Variants in IGF1 observed in about 807,000 individuals in gnomAD.
The protein encoded by IGF1 is insulin like growth factor 1.
IGF1 carries 4 observed loss-of-function variants against 13.8 expected under a neutral mutation model. That is an observed-to-expected ratio of 0.29 (90% confidence interval 0.14 to 0.66). The LOEUF is 0.66. Among genes scored for constraint, IGF1 ranks in the 30% least tolerant of loss-of-function variants. The probability of loss-of-function intolerance (pLI) is 0.78; values close to 1 mark genes in which losing one functional copy is unlikely to be tolerated. For missense variants in IGF1, 124 were observed against 188.5 expected (o/e 0.66, Z 2.00); for synonymous variants, 76 against 72.6 (o/e 1.05, Z -0.23).
At position 102,399,650 on chromosome 12, in the gene IGF1, G is replaced by T. The variant is rs1873516130; in HGVS notation, c.*2857C>A. On this transcript the variant is annotated 3_prime_UTR_variant, in exon 4 of 4. Transcript: ENST00000337514. ...ATCCAGTTGGAGAGGATTATGTGTT[G>T]GAAAAAGTTAAGAAAGATAATATGG... 6.6e-6 allele frequency: 1 copy of T among 152,082 alleles called. No individual in the cohort carries two copies. Among genetic ancestry groups the T allele is most frequent in the Admixed American group, 6.6e-5 (1 of 15,254 alleles). The allele number at this position is 152,082 out of a possible 1,614,324, so 9.4% of individuals were successfully genotyped here.
At chr12:102,435,767 G>A (rs1345344036) in intron 2 of IGF1, among the ~76,000 whole-genome samples, 1 of 152,144 alleles carries the variant, frequency 6.6e-6, no homozygotes, top group Non-Finnish European at 1.5e-5. Context: ...CATACTAGTG[G>A]TTTTCAAACT....
Position 102,419,996 on chromosome 12 carries a change from A to G in IGF1, c.221-306T>C, listed in dbSNP as rs536090147. Among the ~76,000 whole-genome samples, 15 of 152,304 alleles carry G rather than the reference A, an allele frequency of 9.8e-5. 1 individual carries two copies. The highest frequency in any genetic ancestry group is 7.7e-4 in the East Asian group (4 of 5,190). ...ATGCCCAATCCTAGTCTTTTCTTAT[A>G]TATTGGCTTCAGAGGATGATAGAAA... On this transcript the variant is annotated intron_variant, in intron 2 of 3. Coordinates refer to ENST00000337514, the MANE Select transcript of IGF1 (RefSeq NM_000618.5).
intron 2 of IGF1, among the ~76,000 whole-genome samples, chr12:102,469,201 C>A (rs10778176): frequency 6.6e-6 from 1 of 151,974 alleles, no homozygotes; most frequent in Non-Finnish European, 1.5e-5. Context: ...TTTCTTCCTG[C>A]CTGGATTATG....
rs1052852889 is a variant in IGF1, at chr12:102,400,344, T to C, written c.*2163A>G. ...ATTCATTGTTCTAATGAGAAAATCTTGATCTGCAGATAGGGATCATTTTCT... is the reference window on the plus strand; with the variant it reads ...ATTCATTGTTCTAATGAGAAAATCTCGATCTGCAGATAGGGATCATTTTCT... On this transcript the variant is annotated 3_prime_UTR_variant, in exon 4 of 4. Transcript: ENST00000337514. 6.6e-6 allele frequency: 1 copy of C among 152,178 alleles called. No homozygotes were observed. The highest frequency in any genetic ancestry group is 1.5e-5 in the Non-Finnish European group (1 of 68,030). The allele number at this position is 152,178 out of a possible 1,614,324, so 9.4% of individuals were successfully genotyped here. A position where few individuals can be genotyped will look rare whatever the true frequency, so the allele number is the denominator to read the frequency against.
At chr12:102,441,645 G>A (rs1877726985) in intron 2 of IGF1, among the ~76,000 whole-genome samples, 1 of 152,162 alleles carries the variant, frequency 6.6e-6, no homozygotes, top group South Asian at 2.1e-4. Context: ...AGGGGTTGCA[G>A]GTTATTTTAT....
At chr12:102,455,553 G>T (rs149399308) in intron 2 of IGF1, among the ~76,000 whole-genome samples, 22 of 152,310 alleles carry the variant, frequency 1.4e-4, no homozygotes, top group Non-Finnish European at 1.0e-4. Flanking sequence ...CATTTCAAGT[G>T]GGGGAGGAGT....
At position 102,398,317 on chromosome 12, in the gene IGF1, A is replaced by G. The variant is rs1592724720; in HGVS notation, c.*4190T>C. ...TGTCTTCTATAAACCAGTAAATGCC[A>G]AAGAATACCCAAGGGGGATTTGGCA... On this transcript the variant is annotated 3_prime_UTR_variant, in exon 4 of 4. Transcript: ENST00000337514. The G allele has an allele frequency of 6.6e-6, 1 of 152,636 alleles. No individual in the cohort carries two copies. Among genetic ancestry groups the G allele is most frequent in the Non-Finnish European group, 1.5e-5 (1 of 68,024 alleles). The allele number at this position is 152,636 out of a possible 1,614,324, so 9.5% of individuals were successfully genotyped here. A position where few individuals can be genotyped will look rare whatever the true frequency, so the allele number is the denominator to read the frequency against.
At chr12:102,478,398 A>T in intron 1 of IGF1, 1 of 814,118 alleles carries the variant, frequency 1.2e-6, no homozygotes, top group Non-Finnish European at 1.8e-6. Context: ...AATCTTAGAT[A>T]AATGGAATAT....
At chr12:102,434,228 C>T (rs1877009701) in intron 2 of IGF1, among the ~76,000 whole-genome samples, 1 of 148,550 alleles carries the variant, frequency 6.7e-6, no homozygotes, top group Middle Eastern at 3.2e-3. Flanking sequence ...ATACATGTGC[C>T]ATGCTGGTGC....
rs61935410 is a variant in IGF1, at chr12:102,401,827, C to T, written c.*680G>A. ...TTGGCCTCAAAGTTGCAACTATTTGCATTATTCTTTTTTGTAAGCATGATG... is the reference window on the plus strand; with the variant it reads ...TTGGCCTCAAAGTTGCAACTATTTGTATTATTCTTTTTTGTAAGCATGATG... On this transcript the variant is annotated 3_prime_UTR_variant, in exon 4 of 4. Coordinates refer to ENST00000337514, the MANE Select transcript of IGF1 (RefSeq NM_000618.5). The T allele has an allele frequency of 2.0e-5, 3 of 152,544 alleles. No homozygotes were observed. The highest frequency in any genetic ancestry group is 1.5e-5 in the Non-Finnish European group (1 of 68,024). 9.4% of individuals were successfully genotyped at this position (152,544 alleles called of 1,614,324 possible).
chr12:102,417,521 T>C, intron 3 of IGF1: 1 of 1,064,374 alleles, frequency 9.4e-7, no homozygotes, highest in African/African-American at 1.7e-5. Flanking sequence ...TTTAATTGTG[T>C]TTTAGAGGCA....
chr12:102,459,060 G>A (rs765415479), intron 2 of IGF1, among the ~76,000 whole-genome samples: 94 of 152,246 alleles, frequency 6.2e-4, no homozygotes, highest in Middle Eastern at 3.4e-3. Flanking sequence ...GAAAGCATGT[G>A]CCAATATGAA....
chr12:102,444,239 C>T (rs1878117137), intron 2 of IGF1, among the ~76,000 whole-genome samples: 2 of 151,812 alleles, frequency 1.3e-5, no homozygotes, highest in Admixed American at 6.6e-5. Flanking sequence ...AAAAAAGACA[C>T]CCAATTTCCT....
At chr12:102,418,766 T>C (rs1419098099) in intron 3 of IGF1, among the ~76,000 whole-genome samples, 2 of 152,254 alleles carry the variant, frequency 1.3e-5, no homozygotes, top group Non-Finnish European at 2.9e-5. Flanking sequence ...GTGCATCAGA[T>C]GTTTTATGTA....
intron 2 of IGF1, among the ~76,000 whole-genome samples, chr12:102,435,304 T>G (rs775242421): frequency 1.3e-5 from 2 of 152,206 alleles, no homozygotes; most frequent in African/African-American, 2.4e-5. Context: ...GAGTGAACAC[T>G]TACCCAATAT....
intron 2 of IGF1, among the ~76,000 whole-genome samples, chr12:102,450,835 T>A (rs1195475897): frequency 1.3e-5 from 2 of 152,232 alleles, no homozygotes; most frequent in African/African-American, 4.8e-5. Context: ...AGAGGAAGGA[T>A]CTTGGGTCAT....
At chr12:102,480,756 C>T, upstream of IGF1, 1 of 398,548 alleles carries the variant, frequency 2.5e-6, no homozygotes, top group Non-Finnish European at 4.4e-6. Context: ...GCATTTTTTT[C>T]CCTTAAAAGA....
intron 2 of IGF1, among the ~76,000 whole-genome samples, chr12:102,421,380 T>G (rs954105298): frequency 2.6e-5 from 4 of 152,196 alleles, no homozygotes; most frequent in African/African-American, 9.7e-5. Context: ...TTATAATCTT[T>G]TCCTGGAACT....
chr12:102,469,057 C>G (rs1047943465), intron 2 of IGF1, among the ~76,000 whole-genome samples: 1 of 152,166 alleles, frequency 6.6e-6, no homozygotes, highest in Non-Finnish European at 1.5e-5. Context: ...AAATGTCTCC[C>G]CTACCAGCCA....
Sources: gnomAD v4.1 joint callset for allele counts (sites outside exome capture counted in the v4.1 genomes callset) on GRCh38, gnomAD v4.1.1 for gene constraint, MANE v1.5 for transcripts, NCBI Gene and HGNC (gene_info 2026-07-23, HGNC 2026-07-21) for gene names.